Variants in GCN1 observed in about 807,000 individuals in gnomAD.
GCN1 encodes GCN1 activator of EIF2AK4.
In GCN1, 90 loss-of-function variants were observed where a neutral mutation model predicts 288.4. The ratio of observed to expected loss-of-function variants is 0.31; its 90% CI spans 0.26 to 0.37. The LOEUF is 0.37. Ranked by LOEUF, GCN1 falls within the 10% of genes least tolerant of loss-of-function variation. GCN1 has a pLI of 1.00. For missense variants in GCN1, 2,586 were observed against 3,419.9 expected (o/e 0.76, Z 6.08); for synonymous variants, 1,386 against 1,420.2 (o/e 0.98, Z 0.54).
At position 120,148,249 on chromosome 12, in the gene GCN1, G is replaced by A. The variant is rs375113810; in HGVS notation, c.4644C>T (p.Thr1548=). ...CCTTCTGGACTTTGACATGGGAGTC[G>A]GTCAGCACCTCCGTAAGCTTGGGCA... ...NIVPKLTEVL[T]DSHVKVQKAG... is the part of the protein sequence containing the mutation. Residue 1548 remains threonine, a synonymous_variant, in exon 37 of 58, where the codon ACC becomes ACT. Coordinates refer to ENST00000300648, the MANE Select transcript of GCN1 (RefSeq NM_006836.2). The A allele has an allele frequency of 7.1e-5, 114 of 1,613,826 alleles. No homozygotes were observed. Among genetic ancestry groups the A allele is most frequent in the Middle Eastern group, 3.3e-4 (2 of 6,084 alleles).
intron 20 of GCN1, chr12:120,162,344 T>C (rs1047100665): frequency 6.4e-6 from 3 of 471,280 alleles, no homozygotes; most frequent in African/African-American, 2.0e-5. Context: ...GAGGTAGGCA[T>C]GTGACCCAGA....
At chr12:120,176,066 C>A in intron 10 of GCN1, 77 bp downstream of exon 10, 1 of 1,279,988 alleles carries the variant, frequency 7.8e-7, no homozygotes, top group African/African-American at 1.5e-5. Context: ...GTCCCCTACC[C>A]CTGCTACAAC....
intron 38 of GCN1, among the ~76,000 whole-genome samples, chr12:120,146,787 G>A (rs1397933957): frequency 6.6e-6 from 1 of 152,132 alleles, no homozygotes; most frequent in Non-Finnish European, 1.5e-5. Context: ...AGTCAAAGTG[G>A]CAAGCACTTC....
intron 5 of GCN1, among the ~76,000 whole-genome samples, chr12:120,182,781 T>C (rs922285301): frequency 2.0e-5 from 3 of 151,808 alleles, no homozygotes; most frequent in Non-Finnish European, 2.9e-5. Context: ...CCACTAAAAA[T>C]ACAAAAGAAT....
rs762012068 is a variant in GCN1 at position 120,151,264 on chromosome 12, G to A, written c.4190C>T (p.Ala1397Val). ...ESDKYAERKG[A>V]AYGLAGLVKG... ...CACCAGGCCCGCCAGGCCATAGGCG[G>A]CCCCTTTGCGCTCTGCGTACTTGTC... The change falls in exon 34 of 58, where the codon GCC becomes GTC. Residue 1397 changes from alanine (A) to valine (V), a missense_variant. Coordinates refer to ENST00000300648, the MANE Select transcript of GCN1 (RefSeq NM_006836.2). The A allele has an allele frequency of 1.2e-6, 2 of 1,614,178 alleles. No homozygotes were observed. The highest frequency in any genetic ancestry group is 1.1e-5 in the South Asian group (1 of 91,084).
Position 120,144,962 on chromosome 12 carries a change from A to T in GCN1, c.5116T>A (p.Tyr1706Asn), listed in dbSNP as rs996184077. 6.2e-7 allele frequency: 1 copy of T among 1,614,154 alleles called. No individual in the cohort carries two copies. Among genetic ancestry groups the T allele is most frequent in the Non-Finnish European group, 8.5e-7 (1 of 1,180,022 alleles). ...LLPWLMETLT[Y>N]EQSSVDRSGA... Reference sequence around the variant, plus strand: ...GAGCGATCCACAGAGCTCTGCTCATAGGTCAGTGTCTCCATCAGCCACGGC... The same window carrying T: ...GAGCGATCCACAGAGCTCTGCTCATTGGTCAGTGTCTCCATCAGCCACGGC... The change falls in exon 40 of 58, where the codon TAT becomes AAT. Residue 1706 changes from tyrosine to asparagine, a missense_variant. Tyr to Asn is a moderately radical substitution (Grantham distance 143). Around this residue, in one of 8 missense-constraint regions of GCN1, gnomAD observed 371 missense variants for 572.6 expected, o/e 0.65. Transcript: ENST00000300648. This position sits in a 1 kb window ranked among gnomAD's most constrained non-coding sequence, Gnocchi z 4.7.
chr12:120,184,915 G>T, intron 2 of GCN1, 28 bp from the exon 3 acceptor site: 1 of 1,545,082 alleles, frequency 6.5e-7, no homozygotes, highest in Non-Finnish European at 8.9e-7. Context: ...ACAGACAGCG[G>T]TCAATAAAAA....
In GCN1 at chr12:120,153,278, T is replaced by A; in HGVS notation, c.3997A>T (p.Ser1333Cys). The change falls in exon 33 of 58, where the codon AGT (serine) becomes TGT (cysteine). Residue 1333 changes from serine (S) to cysteine (C), a missense_variant. Physicochemically the swap from Ser to Cys is moderately radical, Grantham distance 112. Coordinates refer to ENST00000300648, the MANE Select transcript of GCN1 (RefSeq NM_006836.2). This position sits in a 1 kb window ranked among gnomAD's most constrained non-coding sequence, Gnocchi z 4.4. ...ACAATGGGCTTCACTTTGGGGTCAC[T>A]CTTGTCCAGGTGCTTGGCCAGAGAG... The part of the protein sequence containing the change: ...MGSLAKHLDK[S>C]DPKVKPIVAK... 6.2e-7 allele frequency: 1 copy of A among 1,614,210 alleles called. No individual in the cohort carries two copies. The highest frequency in any genetic ancestry group is 8.5e-7 in the Non-Finnish European group (1 of 1,180,030).
intron 16 of GCN1, among the ~76,000 whole-genome samples, chr12:120,165,707 C>T (rs1292662306): frequency 3.3e-5 from 5 of 151,438 alleles, no homozygotes; most frequent in Non-Finnish European, 5.9e-5. Context: ...CTCCTGACCT[C>T]AAGTGATCAG....
chr12:120,148,063 C>T lies in GCN1; in HGVS notation c.4726+104G>A. 4 of 781,334 alleles carry T rather than the reference C, an allele frequency of 5.1e-6. No homozygotes were observed. In the South Asian group the frequency reaches 5.5e-5, roughly 11 times the overall value. The allele number at this position is 781,334 out of a possible 1,614,324, so 48.4% of individuals were successfully genotyped here. On this transcript the variant is annotated intron_variant, in intron 37 of 57. Coordinates refer to ENST00000300648, the MANE Select transcript of GCN1 (RefSeq NM_006836.2). ...ATTTCACTGTGAACATATTTGTCCT[C>T]GGAGGCAAAGATCTTAGCTGAATGG...
At position 120,134,397 on chromosome 12, in the gene GCN1, A is replaced by G; in HGVS notation, c.7211T>C (p.Met2404Thr). ...AMEDPGVRDTMLQALRFVIQG... is the reference protein window; with the variant it reads ...AMEDPGVRDTTLQALRFVIQG... ...AATCACAAACCTCAGGGCCTGCAGC[A>G]TGGTGTCCCTGCAGAAGCAATGCAC... Residue 2404 changes from methionine to threonine, a missense_variant, in exon 53 of 58, where the codon ATG becomes ACG. By Grantham distance (81) the Met-to-Thr change is moderately conservative. Around this residue, in one of 8 missense-constraint regions of GCN1, gnomAD observed 355 missense variants for 431.1 expected, o/e 0.82. Coordinates refer to ENST00000300648, the MANE Select transcript of GCN1 (RefSeq NM_006836.2). This position sits in a 1 kb window ranked among gnomAD's most constrained non-coding sequence, Gnocchi z 5.0. The G allele has an allele frequency of 6.2e-7, 1 of 1,612,894 alleles. No individual in the cohort carries two copies. Among genetic ancestry groups the G allele is most frequent in the Non-Finnish European group, 8.5e-7 (1 of 1,178,968 alleles).
At chr12:120,165,530 C>T (rs1878094901) in intron 16 of GCN1, among the ~76,000 whole-genome samples, 1 of 151,626 alleles carries the variant, frequency 6.6e-6, no homozygotes, top group African/African-American at 2.4e-5. Context: ...TGCAGTGGTG[C>T]AGTCTTGGCT....
At chr12:120,148,104 A>C (rs1389204196) in intron 37 of GCN1, 63 bp downstream of exon 37, 1 of 1,202,284 alleles carries the variant, frequency 8.3e-7, no homozygotes, top group African/African-American at 1.5e-5. Context: ...AGTTCCCTGC[A>C]GTGTCCAAAG....
chr12:120,192,476 C>T (rs192769099), intron 1 of GCN1, among the ~76,000 whole-genome samples: 96 of 152,296 alleles, frequency 6.3e-4, no homozygotes, highest in African/African-American at 2.2e-3. Context: ...GCCTGTAATC[C>T]CAGCACTTTG....
At chr12:120,171,215 C>A (rs1444310387) in intron 14 of GCN1, among the ~76,000 whole-genome samples, 7 of 151,950 alleles carry the variant, frequency 4.6e-5, no homozygotes, top group Admixed American at 1.3e-4. Flanking sequence ...CCTATAATCC[C>A]AACACTCTGG....
intron 2 of GCN1, among the ~76,000 whole-genome samples, chr12:120,189,479 C>T (rs985683525): frequency 2.6e-5 from 4 of 151,900 alleles, no homozygotes; most frequent in African/African-American, 9.7e-5. Flanking sequence ...TCTCCTGCCT[C>T]AGCCTCCCTA....
Position 120,164,330 on chromosome 12 carries a change from CCT to C in GCN1, c.1848+4_1848+5del, listed in dbSNP as rs1366779914. Reference sequence around the variant, plus strand: ...AGCCCCAGTTCTAGAGCCCAGATGCCCTCACCTTGTGAGAACTGAGGACAGTC... The same window carrying C: ...AGCCCCAGTTCTAGAGCCCAGATGCCCACCTTGTGAGAACTGAGGACAGTC... On this transcript the variant is annotated splice_donor_5th_base_variant and intron_variant, in intron 18 of 57. Coordinates refer to ENST00000300648, the MANE Select transcript of GCN1 (RefSeq NM_006836.2). 1 of 1,610,952 alleles carries C rather than the reference CCT, an allele frequency of 6.2e-7. No homozygotes were observed. The highest frequency in any genetic ancestry group is 8.5e-7 in the Non-Finnish European group (1 of 1,177,834).
At chr12:120,128,414 C>A (rs554878409) in intron 57 of GCN1, among the ~76,000 whole-genome samples, 1 of 152,070 alleles carries the variant, frequency 6.6e-6, no homozygotes, top group South Asian at 2.1e-4. Flanking sequence ...CAGCTCAACA[C>A]AACCTCCGCC....
chr12:120,156,436 A>G lies in GCN1; in HGVS notation c.3312+25T>C. 2 of 1,609,568 alleles carry G rather than the reference A, an allele frequency of 1.2e-6. No homozygotes were observed. Among genetic ancestry groups the G allele is most frequent in the Non-Finnish European group, 1.7e-6 (2 of 1,177,092 alleles). ...TGCATAGAGTGACAAGGGACACTGCAGTGGCTCTGAGACTGAGCACACACC... is the reference window on the plus strand; with the variant it reads ...TGCATAGAGTGACAAGGGACACTGCGGTGGCTCTGAGACTGAGCACACACC... On this transcript the variant is annotated intron_variant, in intron 28 of 57. Transcript: ENST00000300648. This position sits in a 1 kb window ranked among gnomAD's most constrained non-coding sequence, Gnocchi z 5.8.
Sources: allele counts gnomAD v4.1 joint callset (sites outside exome capture counted in the v4.1 genomes callset), GRCh38; gene constraint gnomAD v4.1.1; regional missense constraint gnomAD v4.1.1; non-coding constraint Gnocchi (gnomAD v3.1); transcripts MANE v1.5; gene names NCBI Gene and HGNC (gene_info 2026-07-23, HGNC 2026-07-21).